The following PLCXD3 variants were observed in gnomAD, a reference collection of about 807,000 sequenced individuals.
PLCXD3 encodes the protein PI-PLC X domain-containing protein 3.
A neutral mutation model predicts 25.5 loss-of-function variants in PLCXD3; 19 were observed. The observed-to-expected ratio is 0.75, with a 90% confidence interval of 0.52 to 1.09. PLCXD3 has a LOEUF of 1.09. PLCXD3 is among the 50% of genes least tolerant of loss of function. The pLI, the probability that PLCXD3 is intolerant of heterozygous loss-of-function variation, is 0.00. For missense variants in PLCXD3, 411 were observed against 388.1 expected, an observed-to-expected ratio of 1.06 and a Z score of -0.50; for synonymous variants, 174 against 137.6, an observed-to-expected ratio of 1.26 and a Z score of -1.85.
Position 41,453,560 on chromosome 5 carries a change from T to C in PLCXD3, c.103+56864A>G, listed in dbSNP as rs185521787. Among the ~76,000 whole-genome samples the C allele has an allele frequency of 3.7e-4, 57 of 152,128 alleles. 1 individual carries two copies. The highest frequency in any genetic ancestry group is 1.3e-3 in the African/African-American group (55 of 41,540). ...ATCGTGGTCAAGTTATTCACCTTTC[T>C]TAATATCTTTACCTCATCGGTAAAA... On this transcript the variant is annotated intron_variant, in intron 1 of 2. Transcript: ENST00000377801.
At chr5:41,450,132 GC>G (rs1338694485) in intron 1 of PLCXD3, among the ~76,000 whole-genome samples, 1 of 152,072 alleles carries the variant, frequency 6.6e-6, no homozygotes, top group Admixed American at 6.6e-5. Flanking sequence ...CTTGGTTTTG[GC>G]TTGATTTCAC....
In PLCXD3 at chr5:41,311,896, T is replaced by C. The variant is rs1743142941; in HGVS notation, c.*1721A>G. 1 of 152,606 alleles carries C rather than the reference T, an allele frequency of 6.6e-6. No homozygotes were observed. Among genetic ancestry groups the C allele is most frequent in the African/African-American group, 2.4e-5 (1 of 41,456 alleles). The allele number at this position is 152,606 out of a possible 1,614,324, so 9.5% of individuals were successfully genotyped here. A position where few individuals can be genotyped will look rare whatever the true frequency, so the allele number is the denominator to read the frequency against. On this transcript the variant is annotated 3_prime_UTR_variant, in exon 3 of 3. Transcript: ENST00000377801. ...TGCTACATTTAAGTTCATTAAAAGCTGAGGGCATGCTTTTATTTCTCTATG... is the reference window on the plus strand; with the variant it reads ...TGCTACATTTAAGTTCATTAAAAGCCGAGGGCATGCTTTTATTTCTCTATG...
chr5:41,440,215 ATTTTTTTTTTTTTTTT>A (rs70988846), intron 1 of PLCXD3, among the ~76,000 whole-genome samples: 29 of 41,080 alleles, frequency 7.1e-4, no homozygotes, highest in East Asian at 1.7e-3. Context: ...TAATCTCTCA[ATTTTTTTTTTTTTTTT>A]TTTTTTTTTT....
chr5:41,421,353 T>A lies in PLCXD3; in HGVS notation c.104-38819A>T, dbSNP rs150975506. ...GTAGGTAGGGTCCATGAATTATATTTCTTATAATAGCCTATAGAGTATTAT... is the reference window on the plus strand; with the variant it reads ...GTAGGTAGGGTCCATGAATTATATTACTTATAATAGCCTATAGAGTATTAT... On this transcript the variant is annotated intron_variant, in intron 1 of 2. Coordinates refer to ENST00000377801, the MANE Select transcript of PLCXD3 (RefSeq NM_001005473.3). Among the ~76,000 whole-genome samples the A allele has an allele frequency of 2.7e-3, 405 of 152,286 alleles. 2 individuals carry two copies. The highest frequency in any genetic ancestry group is 9.2e-3 in the African/African-American group (383 of 41,548).
intron 2 of PLCXD3, among the ~76,000 whole-genome samples, chr5:41,351,757 G>T (rs1375686040): frequency 1.3e-5 from 2 of 152,200 alleles, no homozygotes; most frequent in African/African-American, 4.8e-5. Flanking sequence ...AAATATTAAT[G>T]ATAGTACTAT....
chr5:41,338,994 G>C (rs910395406), intron 2 of PLCXD3, among the ~76,000 whole-genome samples: 1 of 151,924 alleles, frequency 6.6e-6, no homozygotes, highest in Non-Finnish European at 1.5e-5. Context: ...CTATTTTTTC[G>C]TTAATGTTTC....
At chr5:41,413,894 G>A (rs913061773) in intron 1 of PLCXD3, among the ~76,000 whole-genome samples, 1 of 152,116 alleles carries the variant, frequency 6.6e-6, no homozygotes, top group African/African-American at 2.4e-5. Context: ...CGCTGAGCTG[G>A]TAAGAACATA....
In PLCXD3 at chr5:41,510,337, G is replaced by A. The variant is rs945778532; in HGVS notation, c.103+87C>T. 42 of 1,174,152 alleles carry A rather than the reference G, an allele frequency of 3.6e-5. No homozygotes were observed. The Admixed American group carries it at 4.3e-4, about 12-fold the overall frequency. 72.7% of individuals were successfully genotyped at this position (1,174,152 alleles called of 1,614,324 possible). On this transcript the variant is annotated intron_variant, in intron 1 of 2. Transcript: ENST00000377801. ...GAGTTTCCCTCCCGCGGGCATCGTG[G>A]CAAGTTACCACTTAGTGGCAGATAA...
Position 41,373,805 on chromosome 5 carries a change from GTCT to G in PLCXD3, c.812+8018_812+8020del, listed in dbSNP as rs1284366285. Among the ~76,000 whole-genome samples the G allele has an allele frequency of 2.6e-5, 4 of 152,196 alleles. No individual in the cohort carries two copies. In the East Asian group the frequency reaches 7.7e-4, roughly 29 times the overall value. ...AGACACTGAGTCTAGAAATTATTAA[GTCT>G]TCTTACATGAGAATGTGCTTTTTAG... On this transcript the variant is annotated intron_variant, in intron 2 of 2. Coordinates refer to ENST00000377801, the MANE Select transcript of PLCXD3 (RefSeq NM_001005473.3).
At position 41,391,964 on chromosome 5, in the gene PLCXD3, C is replaced by T. The variant is rs912698498; in HGVS notation, c.104-9430G>A. 4.6e-5 allele frequency among the ~76,000 whole-genome samples: 7 copies of T among 152,228 alleles called. No homozygotes were observed. The East Asian group carries it at 1.4e-3, about 29-fold the overall frequency. On this transcript the variant is annotated intron_variant, in intron 1 of 2. Coordinates refer to ENST00000377801, the MANE Select transcript of PLCXD3 (RefSeq NM_001005473.3). ...GGTGGTGGCTATGGATGAGGTTCCT[C>T]TGCCTTTGGAAAGAGAGGGAAGAGT...
At chr5:41,359,922 A>G (rs1243403741) in intron 2 of PLCXD3, among the ~76,000 whole-genome samples, 9 of 152,154 alleles carry the variant, frequency 5.9e-5, no homozygotes, top group Admixed American at 5.9e-4. Context: ...TATTTCCTCA[A>G]ATATGTTTTC....
chr5:41,479,537 C>T (rs1748350973), intron 1 of PLCXD3, among the ~76,000 whole-genome samples: 1 of 152,068 alleles, frequency 6.6e-6, no homozygotes, highest in African/African-American at 2.4e-5. Flanking sequence ...AACACTCAAA[C>T]ACAAAAGCTT....
chr5:41,451,018 A>G (rs552468541), intron 1 of PLCXD3, among the ~76,000 whole-genome samples: 1 of 152,250 alleles, frequency 6.6e-6, no homozygotes, highest in Admixed American at 6.5e-5. Flanking sequence ...CTGTATCTTC[A>G]TCTCTGGTTT....
intron 1 of PLCXD3, among the ~76,000 whole-genome samples, chr5:41,404,460 A>G (rs368169142): frequency 6.6e-6 from 1 of 152,160 alleles, no homozygotes; most frequent in African/African-American, 2.4e-5. Flanking sequence ...GCAAGCACAT[A>G]AGGAAGAAGG....
At chr5:41,470,777 G>T (rs901101692) in intron 1 of PLCXD3, among the ~76,000 whole-genome samples, 1 of 152,012 alleles carries the variant, frequency 6.6e-6, no homozygotes, top group African/African-American at 2.4e-5. Flanking sequence ...TGAGAAAAAA[G>T]AAAAGAAAAA....
intron 1 of PLCXD3, among the ~76,000 whole-genome samples, chr5:41,421,433 G>A (rs1461266696): frequency 6.6e-6 from 1 of 152,212 alleles, no homozygotes. Context: ...TGGGCGCGGT[G>A]GCTCACGCCT....
chr5:41,425,961 G>A (rs891037994), intron 1 of PLCXD3, among the ~76,000 whole-genome samples: 2 of 152,120 alleles, frequency 1.3e-5, no homozygotes, highest in African/African-American at 2.4e-5. Flanking sequence ...ATATCTTTGG[G>A]TAAATGCCGA....
chr5:41,385,301 C>T (rs1385842550), intron 1 of PLCXD3, among the ~76,000 whole-genome samples: 1 of 152,036 alleles, frequency 6.6e-6, no homozygotes, highest in African/African-American at 2.4e-5. Context: ...TTATTCTTCT[C>T]TCATCCACAG....
At chr5:41,418,820 G>A (rs569006272) in intron 1 of PLCXD3, among the ~76,000 whole-genome samples, 20 of 152,290 alleles carry the variant, frequency 1.3e-4, no homozygotes, top group African/African-American at 4.8e-4. Context: ...GGAGAAGAGT[G>A]TGACTCCCAA....
Sources: allele counts gnomAD v4.1 joint callset (sites outside exome capture counted in the v4.1 genomes callset), GRCh38; gene constraint gnomAD v4.1.1; transcripts MANE v1.5; gene names NCBI Gene and HGNC (gene_info 2026-07-23, HGNC 2026-07-21).